The following ATMIN variants were observed in gnomAD, a reference collection of about 807,000 sequenced individuals.
ATMIN encodes the protein ATM INteracting protein.
ATMIN carries 24 observed loss-of-function variants against 49.2 expected under a neutral mutation model. The ratio of observed to expected loss-of-function variants is 0.49; its 90% CI spans 0.35 to 0.69. The LOEUF (loss-of-function observed/expected upper bound fraction) is 0.69, where lower values mean the gene tolerates loss of function less well. Ranked by LOEUF, ATMIN falls within the 30% of genes least tolerant of loss-of-function variation. ATMIN has a pLI of 0.00. For synonymous variants in ATMIN, 450 were observed against 392.5 expected, an observed-to-expected ratio of 1.15 and a Z score of -1.73; for missense variants, 1,037 against 1,005.5, an observed-to-expected ratio of 1.03 and a Z score of -0.42.
At position 81,036,110 on chromosome 16, in the gene ATMIN, G is replaced by A. The variant is rs1970923882; in HGVS notation, c.240G>A (p.Val80=). 2.1e-6 allele frequency: 3 copies of A among 1,430,410 alleles called. No homozygotes were observed. The highest frequency in any genetic ancestry group is 2.2e-5 in the Admixed American group (1 of 46,240). 88.6% of individuals were successfully genotyped at this position (1,430,410 alleles called of 1,614,324 possible). Residue 80 remains valine (V), a synonymous_variant, in exon 1 of 4, where the codon GTG becomes GTA. Coordinates refer to ENST00000299575, the MANE Select transcript of ATMIN (RefSeq NM_015251.3). ...QPSVSELSRA[V]RTNILCTVRG... ...CGGTGAGCGAGCTGTCCCGGGCCGT[G>A]CGGACCAACATCCTGTGCACCGTGC...
intron 1 of ATMIN, among the ~76,000 whole-genome samples, chr16:81,038,242 TG>T (rs1970979519): frequency 2.0e-5 from 3 of 152,226 alleles, no homozygotes; most frequent in Non-Finnish European, 4.4e-5. Flanking sequence ...GCGAGTCTCC[TG>T]CCTCAGCCTC....
Position 81,044,465 on chromosome 16 carries a change from T to C in ATMIN, c.1967T>C (p.Leu656Pro), listed in dbSNP as rs780344427. ...CAGACTCAAACTGAAGAGAGTGAAC[T>C]TAGCACCATGACCACCGAGCCAGTC... Reference protein sequence around the residue: ...NIQTQTEESELSTMTTEPVLE... With the variant: ...NIQTQTEESEPSTMTTEPVLE... Residue 656 changes from leucine (L) to proline (P), a missense_variant, in exon 4 of 4, where the codon CTT (leucine) becomes CCT (proline). By Grantham distance (98) the Leu-to-Pro change is moderately conservative. Coordinates refer to ENST00000299575, the MANE Select transcript of ATMIN (RefSeq NM_015251.3). 2.2e-5 allele frequency: 36 copies of C among 1,613,734 alleles called. No homozygotes were observed. Among genetic ancestry groups the C allele is most frequent in the Non-Finnish European group, 3.0e-5 (35 of 1,179,966 alleles).
intron 3 of ATMIN, among the ~76,000 whole-genome samples, 161 bp downstream of exon 3, chr16:81,042,641 G>C (rs138634400): frequency 1.4e-3 from 220 of 152,298 alleles, no homozygotes; most frequent in African/African-American, 5.1e-3. Context: ...TCTTGCAAAT[G>C]ACACATGTCT....
Position 81,047,116 on chromosome 16 carries a change from A to G in ATMIN, c.*2146A>G, listed in dbSNP as rs901479142. On this transcript the variant is annotated 3_prime_UTR_variant, in exon 4 of 4. Coordinates refer to ENST00000299575, the MANE Select transcript of ATMIN (RefSeq NM_015251.3). ...GACAATGTTTGTAAATCTAGCCAAT[A>G]GAGTCATTTACAGAAGAAAAATGAG... 18 of 152,792 alleles carry G rather than the reference A, an allele frequency of 1.2e-4. No homozygotes were observed. The highest frequency in any genetic ancestry group is 4.1e-4 in the African/African-American group (17 of 41,588). 9.5% of individuals were successfully genotyped at this position (152,792 alleles called of 1,614,324 possible). A position where few individuals can be genotyped will look rare whatever the true frequency, so the allele number is the denominator to read the frequency against.
In ATMIN at chr16:81,044,712, A is replaced by G. The variant is rs537374400; in HGVS notation, c.2214A>G (p.Thr738=). ...CCGTGAGTACTGATTCATCTGACAC[A>G]GAGACCCAAACTGAAGGAGTCTCCA... ...SFSVSTDSSD[T]ETQTEGVSTA... Residue 738 remains threonine (T), a synonymous_variant, in exon 4 of 4, where the codon ACA becomes ACG. Coordinates refer to ENST00000299575, the MANE Select transcript of ATMIN (RefSeq NM_015251.3). 1 of 1,614,262 alleles carries G rather than the reference A, an allele frequency of 6.2e-7. No homozygotes were observed. Among genetic ancestry groups the G allele is most frequent in the African/African-American group, 1.3e-5 (1 of 75,072 alleles).
At chr16:81,037,638 T>C (rs750669841) in intron 1 of ATMIN, 51 of 526,954 alleles carry the variant, frequency 9.7e-5, no homozygotes, top group Non-Finnish European at 1.2e-4. Flanking sequence ...GTTTTTGTGT[T>C]TTTTTGTTTG....
chr16:81,037,581 G>A, intron 1 of ATMIN: 1 of 803,354 alleles, frequency 1.2e-6, no homozygotes, highest in Non-Finnish European at 1.5e-6. Flanking sequence ...TCAACCTGTT[G>A]TTTTGTTTTC....
In ATMIN at chr16:81,044,372, C is replaced by A. The variant is rs780258599; in HGVS notation, c.1874C>A (p.Pro625Gln). 1 of 1,614,080 alleles carries A rather than the reference C, an allele frequency of 6.2e-7. No homozygotes were observed. The highest frequency in any genetic ancestry group is 8.5e-7 in the Non-Finnish European group (1 of 1,179,994). The change falls in exon 4 of 4, where the codon CCA (proline) becomes CAA (glutamine). Residue 625 changes from proline (P) to glutamine (Q), a missense_variant. By Grantham distance (76) the Pro-to-Gln change is moderately conservative. Coordinates refer to ENST00000299575, the MANE Select transcript of ATMIN (RefSeq NM_015251.3). ...AATCCTGGACCTGACACCCAGCTCCCATCTGGCCCAGCCCAGAACCCCGGA... is the reference window on the plus strand; with the variant it reads ...AATCCTGGACCTGACACCCAGCTCCAATCTGGCCCAGCCCAGAACCCCGGA... Reference protein sequence around the residue: ...DTNPGPDTQLPSGPAQNPGID... With the variant: ...DTNPGPDTQLQSGPAQNPGID...
At position 81,047,335 on chromosome 16, in the gene ATMIN, A is replaced by T. The variant is rs987765230; in HGVS notation, c.*2365A>T. On this transcript the variant is annotated 3_prime_UTR_variant, in exon 4 of 4. Coordinates refer to ENST00000299575, the MANE Select transcript of ATMIN (RefSeq NM_015251.3). ...CTTTTGAAAGCCATATGATAAAATG[A>T]TTTTATTTAATAATACCCAGTTATT... The T allele has an allele frequency of 6.6e-6, 1 of 152,184 alleles. No individual in the cohort carries two copies. The highest frequency in any genetic ancestry group is 2.4e-5 in the African/African-American group (1 of 41,444). The allele number at this position is 152,184 out of a possible 1,614,324, so 9.4% of individuals were successfully genotyped here.
Position 81,044,262 on chromosome 16 carries a change from A to G in ATMIN, c.1764A>G (p.Ile588Met), listed in dbSNP as rs1971083328. Residue 588 changes from isoleucine to methionine, a missense_variant, in exon 4 of 4, where the codon ATA (isoleucine) becomes ATG (methionine). Ile to Met is a conservative substitution (Grantham distance 10, BLOSUM62 1). Coordinates refer to ENST00000299575, the MANE Select transcript of ATMIN (RefSeq NM_015251.3). ...TGACAGATAATCAGACCCAAACCAT[A>G]GATTTATTAAGTGATTTGGAAAACA... ...QNMTDNQTQTIDLLSDLENIL... is the reference protein window; with the variant it reads ...QNMTDNQTQTMDLLSDLENIL... The G allele has an allele frequency of 6.2e-7, 1 of 1,613,962 alleles. No individual in the cohort carries two copies. Among genetic ancestry groups the G allele is most frequent in the South Asian group, 1.1e-5 (1 of 91,048 alleles).
Position 81,037,043 on chromosome 16 carries a change from G to T in ATMIN, c.336+837G>T, listed in dbSNP as rs1330261180. ...GACAATAGTCTCAACAACCCTCCAC[G>T]TTATGCAAAACAGGGCAGTCATTTT... is the stretch of plus-strand genomic sequence containing the variant. On this transcript the variant is annotated intron_variant, in intron 1 of 3. Transcript: ENST00000299575. The T allele has an allele frequency of 1.1e-5, 4 of 356,116 alleles. No individual in the cohort carries two copies. The East Asian group carries it at 5.0e-4, about 45-fold the overall frequency. 22.1% of individuals were successfully genotyped at this position (356,116 alleles called of 1,614,324 possible). A position where few individuals can be genotyped will look rare whatever the true frequency, so the allele number is the denominator to read the frequency against.
chr16:81,045,993 C>T lies in ATMIN; in HGVS notation c.*1023C>T, dbSNP rs1024420845. 5.6e-5 allele frequency: 8 copies of T among 143,484 alleles called. No individual in the cohort carries two copies. The highest frequency in any genetic ancestry group is 1.4e-4 in the Admixed American group (2 of 14,064). 8.9% of individuals were successfully genotyped at this position (143,484 alleles called of 1,614,324 possible). On this transcript the variant is annotated 3_prime_UTR_variant, in exon 4 of 4. Transcript: ENST00000299575. ...ACCCTATCTCAAAAAAAAAAAAAGT[C>T]GCCAGCAACAAGCACGTAGTGTAGT...
In ATMIN at chr16:81,043,519, G is replaced by C; in HGVS notation, c.1021G>C (p.Val341Leu). 2 of 1,614,122 alleles carry C rather than the reference G, an allele frequency of 1.2e-6. No individual in the cohort carries two copies. The highest frequency in any genetic ancestry group is 1.7e-6 in the Non-Finnish European group (2 of 1,180,036). ...GVDQGSATGAVHLMPLSVGTL... is the reference protein window; with the variant it reads ...GVDQGSATGALHLMPLSVGTL... ...TGATCAGGGCTCTGCCACAGGGGCT[G>C]TGCACTTAATGCCCTTGTCAGTAGG... The change falls in exon 4 of 4, where the codon GTG becomes CTG. Residue 341 changes from valine to leucine, a missense_variant. Transcript: ENST00000299575.
rs143295373 is a variant in ATMIN at position 81,042,461 on chromosome 16, G to A, written c.643G>A (p.Glu215Lys). Residue 215 changes from glutamate (E) to lysine (K), a missense_variant, in exon 3 of 4, where the codon GAG (glutamate) becomes AAG (lysine). By Grantham distance (56) the Glu-to-Lys change is moderately conservative. Transcript: ENST00000299575. ...LQSHIYRTGH[E>K]IPAEHRDPPS... ...GTCTCACATCTACCGAACTGGGCACGAGATACCTGCAGAACACAGGTGAAG... is the reference window on the plus strand; with the variant it reads ...GTCTCACATCTACCGAACTGGGCACAAGATACCTGCAGAACACAGGTGAAG... The A allele has an allele frequency of 1.5e-3, 2,477 of 1,614,124 alleles. 4 individuals carry two copies. Among genetic ancestry groups the A allele is most frequent in the Non-Finnish European group, 1.9e-3 (2,264 of 1,180,022 alleles).
rs1971038498 is a variant in ATMIN at position 81,041,531 on chromosome 16, A to G, written c.462+50A>G. ...TACAGATGCTAAAAACCTATTGTGC[A>G]TTCTGATTACTTAGCAGACATAACT... On this transcript the variant is annotated intron_variant, in intron 2 of 3. Coordinates refer to ENST00000299575, the MANE Select transcript of ATMIN (RefSeq NM_015251.3). 5 of 1,568,658 alleles carry G rather than the reference A, an allele frequency of 3.2e-6. No individual in the cohort carries two copies. The South Asian group carries it at 4.8e-5, about 15-fold the overall frequency.
rs756441210 is a variant in ATMIN, at chr16:81,043,736, T to C, written c.1238T>C (p.Val413Ala). ...AAGAATAGCATTTCTTCAATCAACGTGCAGACAGATCTGTCTTATGCCTCA... is the reference window on the plus strand; with the variant it reads ...AAGAATAGCATTTCTTCAATCAACGCGCAGACAGATCTGTCTTATGCCTCA... The part of the protein sequence containing the change: ...CQKNSISSIN[V>A]QTDLSYASQN... The change falls in exon 4 of 4, where the codon GTG (valine) becomes GCG (alanine). Residue 413 changes from valine to alanine, a missense_variant. Physicochemically the swap from Val to Ala is moderately conservative, Grantham distance 64. Coordinates refer to ENST00000299575, the MANE Select transcript of ATMIN (RefSeq NM_015251.3). 1.9e-6 allele frequency: 3 copies of C among 1,614,132 alleles called. No individual in the cohort carries two copies. Among genetic ancestry groups the C allele is most frequent in the Admixed American group, 1.7e-5 (1 of 60,010 alleles).
chr16:81,036,303 C>T, intron 1 of ATMIN, 97 bp downstream of exon 1: 1 of 1,060,866 alleles, frequency 9.4e-7, no homozygotes, highest in Non-Finnish European at 1.1e-6. Context: ...GGACGAGCGC[C>T]CTGCGCGCTG....
Position 81,037,989 on chromosome 16 carries a change from G to A in ATMIN, c.336+1783G>A, listed in dbSNP as rs569925531. On this transcript the variant is annotated intron_variant, in intron 1 of 3. Coordinates refer to ENST00000299575, the MANE Select transcript of ATMIN (RefSeq NM_015251.3). ...TAGGTGGATGAACTATTTCTTAATA[G>A]TTTCTGTTGTTCCTTTCTGTGGAGT... Among the ~76,000 whole-genome samples the A allele has an allele frequency of 2.6e-5, 4 of 152,160 alleles. No individual in the cohort carries two copies. The South Asian group carries it at 8.3e-4, about 32-fold the overall frequency.
rs766563233 is a variant in ATMIN, at chr16:81,039,005, G to A, written c.337-2351G>A. Among the ~76,000 whole-genome samples, 13 of 151,814 alleles carry A rather than the reference G, an allele frequency of 8.6e-5. No homozygotes were observed. The East Asian group carries it at 2.1e-3, about 25-fold the overall frequency. On this transcript the variant is annotated intron_variant, in intron 1 of 3. Coordinates refer to ENST00000299575, the MANE Select transcript of ATMIN (RefSeq NM_015251.3). The stretch of plus-strand genomic sequence containing the variant: ...GAAACAGGGTTTCGCCATGTTGGTC[G>A]GGCTGGTCTTGAACTCCTGACCTCA...
Sources: allele counts gnomAD v4.1 joint callset (sites outside exome capture counted in the v4.1 genomes callset), GRCh38; gene constraint gnomAD v4.1.1; transcripts MANE v1.5; gene names NCBI Gene and HGNC (gene_info 2026-07-23, HGNC 2026-07-21).